Variants in ARX observed in about 807,000 individuals in gnomAD.
ARX encodes the protein aristaless related homeobox, also known as homeobox protein ARX.
In ARX, 1 loss-of-function variant was observed where a neutral mutation model predicts 23.1. That is an observed-to-expected ratio of 0.04 (90% CI 0.02 to 0.21). The LOEUF (loss-of-function observed/expected upper bound fraction) is 0.21. Among genes scored for constraint, ARX ranks in the 10% least tolerant of loss-of-function variants. The pLI is 1.00. For missense variants in ARX, 380 were observed against 527.5 expected, an observed-to-expected ratio of 0.72 and a Z score of 2.74; for synonymous variants, 301 against 270.1, an observed-to-expected ratio of 1.11 and a Z score of -1.12.
At chrX:25,010,202 T>C in intron 3 of ARX, 58 bp downstream of exon 3, 1 of 554,995 alleles carries the variant, frequency 1.8e-6, no homozygotes, top group Non-Finnish European at 2.8e-6. Flanking sequence ...CCCATCTCTC[T>C]CTCTCCCACT....
At chrX:25,007,060 T>C (rs2048681040) in intron 4 of ARX, 51 bp downstream of exon 4, 3 of 1,154,436 alleles carry the variant, frequency 2.6e-6, no homozygotes, top group South Asian at 3.8e-5. Context: ...CCCCAGCCTC[T>C]GTGTGTATGA....
intron 2 of ARX, among the ~76,000 whole-genome samples, chrX:25,011,013 A>AC (rs1456960780): frequency 8.9e-6 from 1 of 111,855 alleles, no homozygotes; most frequent in Non-Finnish European, 1.9e-5. Flanking sequence ...TTTAACTGAA[A>AC]CCCTACCCCA....
At chrX:25,012,237 G>C (rs2048705234) in intron 2 of ARX, among the ~76,000 whole-genome samples, 1 of 112,835 alleles carries the variant, frequency 8.9e-6, no homozygotes, top group African/African-American at 3.2e-5. Context: ...TGTGTGTCGG[G>C]AGAGGACAGA....
chrX:25,012,977 G>T lies in ARX; in HGVS notation c.1018C>A (p.Leu340Met). 8.3e-7 allele frequency: 1 copy of T among 1,203,442 alleles called. No individual in the cohort carries two copies. Among genetic ancestry groups the T allele is most frequent in the Admixed American group, 2.2e-5 (1 of 45,466 alleles). ...RYRTTFTSYQLEELERAFQKT... is the reference protein window; with the variant it reads ...RYRTTFTSYQMEELERAFQKT... ...TGGAAGGCCCGCTCCAGTTCCTCCA[G>T]CTGGTAGCTGGTGAACGTGGTGCGG... Residue 340 changes from leucine (L) to methionine (M), a missense_variant, in exon 2 of 5, where the codon CTG becomes ATG. By Grantham distance (15) the Leu-to-Met change is conservative (BLOSUM62 2). This residue lies in a region of ARX where 24 missense variants were observed against 87.7 expected (regional missense o/e 0.27). Coordinates refer to ENST00000379044, the MANE Select transcript of ARX (RefSeq NM_139058.3).
intron 3 of ARX, among the ~76,000 whole-genome samples, chrX:25,009,940 C>T (rs186435140): frequency 6.7e-4 from 74 of 110,695 alleles, no homozygotes; most frequent in African/African-American, 1.5e-3. Flanking sequence ...AGAAGTAGAT[C>T]GGTGGATTGT....
At chrX:25,005,240 G>A (rs925269511) in intron 4 of ARX, among the ~76,000 whole-genome samples, 42 of 112,118 alleles carry the variant, frequency 3.7e-4, no homozygotes, top group Non-Finnish European at 4.5e-4. Context: ...TTAAACGGAC[G>A]GTTTATTCCA....
At chrX:25,011,615 A>AG (rs1478670784) in intron 2 of ARX, among the ~76,000 whole-genome samples, 1 of 113,335 alleles carries the variant, frequency 8.8e-6, no homozygotes, top group Non-Finnish European at 1.9e-5. Flanking sequence ...TGGGTGACAC[A>AG]GGGGAAGACC....
At chrX:25,012,850 C>T (rs1444573422) in intron 2 of ARX, 72 bp downstream of exon 2, 3 of 1,170,388 alleles carry the variant, frequency 2.6e-6, no homozygotes, top group Non-Finnish European at 3.4e-6. Flanking sequence ...GGGCCCCTGC[C>T]AGCCCGCTGT....
Position 25,013,454 on chromosome X carries a change from G to T in ARX, c.541C>A (p.Pro181Thr), listed in dbSNP as rs2147324074. The change falls in exon 2 of 5, where the codon CCC (proline) becomes ACC (threonine). Residue 181 changes from proline (P) to threonine (T), a missense_variant. By Grantham distance (38) the Pro-to-Thr change is conservative. This residue lies in a region of ARX where 235 missense variants were observed against 270.2 expected (regional missense o/e 0.87). Transcript: ENST00000379044. ...RSKSYRENGAPFVPPPPALDE... is the reference protein window; with the variant it reads ...RSKSYRENGATFVPPPPALDE... The stretch of plus-strand genomic sequence containing the variant: ...AGCGCGGGCGGCGGCGGCACGAAGG[G>T]CGCCCCGTTCTCGCGGTACGACTTG... 1 of 931,517 alleles carries T rather than the reference G, an allele frequency of 1.1e-6. No homozygotes were observed. The highest frequency in any genetic ancestry group is 5.5e-5 in the East Asian group (1 of 18,232). 76.8% of individuals were successfully genotyped at this position (931,517 alleles called of 1,213,427 possible).
chrX:25,012,777 G>A (rs1285241150), intron 2 of ARX, 145 bp downstream of exon 2: 2 of 1,083,077 alleles, frequency 1.8e-6, no homozygotes, highest in East Asian at 3.3e-5. Context: ...GTGAGCAAGG[G>A]TGGGTGTGTT....
At chrX:25,005,368 A>G (rs1282509300) in intron 4 of ARX, among the ~76,000 whole-genome samples, 1 of 111,861 alleles carries the variant, frequency 8.9e-6, no homozygotes. Flanking sequence ...AAGACGGAGA[A>G]GGTGGGATTC....
chrX:25,015,507 T>C, intron 1 of ARX, 35 bp downstream of exon 1: 1 of 1,198,281 alleles, frequency 8.3e-7, no homozygotes, highest in Non-Finnish European at 1.1e-6. Context: ...CAGGGCCCAA[T>C]GCCCTTAGTA....
chrX:25,011,326 A>T (rs1439161352), intron 2 of ARX, among the ~76,000 whole-genome samples: 5 of 106,118 alleles, frequency 4.7e-5, no homozygotes, highest in Non-Finnish European at 1.9e-5. Flanking sequence ...AGGCTGGCTC[A>T]GGGCCGGAGC....
intron 3 of ARX, among the ~76,000 whole-genome samples, chrX:25,008,876 G>T (rs2285563): frequency 0.48 from 53,615 of 110,805 alleles, 12,086 homozygotes; most frequent in African/African-American, 0.89. Flanking sequence ...CTTCCAAGTC[G>T]GCCAAAAGGG....
intron 4 of ARX, among the ~76,000 whole-genome samples, chrX:25,005,326 G>A (rs1335435290): frequency 7.8e-5 from 7 of 89,491 alleles, no homozygotes; most frequent in African/African-American, 3.6e-4. Flanking sequence ...CAAAAGAAGG[G>A]AAGGTGGAGG....
intron 3 of ARX, 48 bp from the exon 4 acceptor site, chrX:25,007,487 C>A: frequency 8.8e-7 from 1 of 1,132,924 alleles, no homozygotes; most frequent in Non-Finnish European, 1.2e-6. Flanking sequence ...GCCCGGCGGG[C>A]GCACCGGGCC....
intron 2 of ARX, among the ~76,000 whole-genome samples, chrX:25,011,676 G>A (rs1020561357): frequency 8.8e-6 from 1 of 113,255 alleles, no homozygotes; most frequent in Non-Finnish European, 1.9e-5. Flanking sequence ...CTGGCATTAA[G>A]TCTGCTCTTT....
intron 1 of ARX, 96 bp from the exon 2 acceptor site, chrX:25,013,894 T>C: frequency 2.3e-6 from 2 of 853,114 alleles, no homozygotes; most frequent in East Asian, 1.1e-4. Context: ...CCCCAGTGCC[T>C]AGGCCCAGGC....
rs1166442915 is a variant in ARX, at chrX:25,004,492, C to A, written c.*178G>T. The A allele has an allele frequency of 1.2e-6, 1 of 841,247 alleles. No individual in the cohort carries two copies. The highest frequency in any genetic ancestry group is 2.1e-5 in the African/African-American group (1 of 48,551). 69.3% of individuals were successfully genotyped at this position (841,247 alleles called of 1,213,427 possible). ...GGGTGGACAGCCAGCCGAGGAGGTG[C>A]CACGTCCCGGAGCGCCGAGGGCTGC... is the stretch of plus-strand genomic sequence containing the variant. On this transcript the variant is annotated 3_prime_UTR_variant, in exon 5 of 5. Transcript: ENST00000379044.
Sources: gnomAD v4.1 joint callset for allele counts (sites outside exome capture counted in the v4.1 genomes callset) on GRCh38, gnomAD v4.1.1 for gene constraint, gnomAD v4.1.1 regional missense constraint, MANE v1.5 for transcripts, NCBI Gene and HGNC (gene_info 2026-07-23, HGNC 2026-07-21) for gene names.